TRIM11: variants seen among roughly 807,000 people sequenced by gnomAD.
The protein encoded by TRIM11 is tripartite motif containing 11, also known as E3 ubiquitin-protein ligase TRIM11.
TRIM11 carries 15 observed loss-of-function variants against 33.4 expected under a neutral mutation model. The observed-to-expected ratio is 0.45, with a 90% CI of 0.30 to 0.69. The LOEUF is 0.69. Ranked by LOEUF, TRIM11 falls within the 30% of genes least tolerant of loss-of-function variation. The pLI, the probability that TRIM11 is intolerant of heterozygous loss-of-function variation, is 0.08. For synonymous variants in TRIM11, 281 were observed against 302.6 expected (o/e 0.93, Z 0.74); for missense variants, 499 against 667.6 (o/e 0.75, Z 2.78).
Position 228,406,374 on chromosome 1 carries a change from C to G in TRIM11, c.188G>C (p.Arg63Thr). The change falls in exon 1 of 6, where the codon AGG becomes ACG. Residue 63 changes from arginine to threonine, a missense_variant. By Grantham distance (71) the Arg-to-Thr change is moderately conservative. Coordinates refer to ENST00000284551, the MANE Select transcript of TRIM11 (RefSeq NM_145214.3). The surrounding 1 kb of genome is among the most constrained non-coding windows in gnomAD (Gnocchi z 8.2). The stretch of plus-strand genomic sequence containing the variant: ...AAGCGGGCGGTTGGGCCGCAGGTTC[C>G]TCTGCGGGGACAGCTCGCGGCACTC... ...CPECRELSPQ[R>T]NLRPNRPLAK... 1 of 1,523,518 alleles carries G rather than the reference C, an allele frequency of 6.6e-7. No individual in the cohort carries two copies. The highest frequency in any genetic ancestry group is 8.8e-7 in the Non-Finnish European group (1 of 1,138,896). 94.4% of individuals were successfully genotyped at this position (1,523,518 alleles called of 1,614,324 possible).
rs2149093855 is a variant in TRIM11 at position 228,403,030 on chromosome 1, A to C, written c.409-869T>G. On this transcript the variant is annotated intron_variant, in intron 1 of 5. Transcript: ENST00000284551. The surrounding 1 kb of genome is among the most constrained non-coding windows in gnomAD (Gnocchi z 4.8). ...ATCAGCTATCACTGTAATAAGCTCC[A>C]GGATGGGTACACCTCCATTCTGCTT... 1 of 152,352 alleles carries C rather than the reference A, an allele frequency of 6.6e-6. No homozygotes were observed. The highest frequency in any genetic ancestry group is 1.9e-4 in the East Asian group (1 of 5,184). 9.4% of individuals were successfully genotyped at this position (152,352 alleles called of 1,614,324 possible). A position where few individuals can be genotyped will look rare whatever the true frequency, so the allele number is the denominator to read the frequency against.
In TRIM11 at chr1:228,401,382, C is replaced by T. The variant is rs1574086334; in HGVS notation, c.505-188G>A. Reference sequence around the variant, plus strand: ...ACCCACCACCTGGTGCTGGCCAGACCCCAAACCCACCTGTGGCACCTCCCA... The same window carrying T: ...ACCCACCACCTGGTGCTGGCCAGACTCCAAACCCACCTGTGGCACCTCCCA... On this transcript the variant is annotated intron_variant, in intron 2 of 5. Coordinates refer to ENST00000284551, the MANE Select transcript of TRIM11 (RefSeq NM_145214.3). This position sits in a 1 kb window ranked among gnomAD's most constrained non-coding sequence, Gnocchi z 6.1. Among the ~76,000 whole-genome samples, 1 of 152,184 alleles carries T rather than the reference C, an allele frequency of 6.6e-6. No homozygotes were observed. The highest frequency in any genetic ancestry group is 1.5e-5 in the Non-Finnish European group (1 of 67,980).
At position 228,394,807 on chromosome 1, in the gene TRIM11, C is replaced by T. The variant is rs377288870; in HGVS notation, c.1305G>A (p.Ser435=). Residue 435 remains serine (S), a synonymous_variant, in exon 6 of 6, where the codon TCG becomes TCA. Transcript: ENST00000284551. The surrounding 1 kb of genome is among the most constrained non-coding windows in gnomAD (Gnocchi z 6.2). ...GTGAGAAGAGGGGCCGCAGCGTCCC[C>T]GAGAAGGGGATCTCGGGAAAGATGA... The part of the protein sequence containing the change: ...LLFIFPEIPF[S]GTLRPLFSPL... The T allele has an allele frequency of 2.5e-5, 41 of 1,613,920 alleles. No individual in the cohort carries two copies. The highest frequency in any genetic ancestry group is 1.9e-4 in the African/African-American group (14 of 74,882).
In TRIM11 at chr1:228,395,039, AC is replaced by A; in HGVS notation, c.1072del (p.Val358CysfsTer6). ...CTTCCTGTTCACGTTCTCCCTGCAC[AC>A]CCCCAGGGCCCAGCTGGTGCGGTCC... is the stretch of plus-strand genomic sequence containing the variant. ...VGDRTSWALG[V>X]CRENVNRKEK... On this transcript the variant is annotated frameshift_variant, in exon 6 of 6. Transcript: ENST00000284551. LOFTEE classifies it low-confidence loss of function (END_TRUNC). The surrounding 1 kb of genome is among the most constrained non-coding windows in gnomAD (Gnocchi z 4.8). 1 of 1,613,296 alleles carries A rather than the reference AC, an allele frequency of 6.2e-7. No individual in the cohort carries two copies. Among genetic ancestry groups the A allele is most frequent in the Non-Finnish European group, 8.5e-7 (1 of 1,179,650 alleles).
chr1:228,402,282 G>C (rs535617794), intron 1 of TRIM11, 121 bp from the exon 2 acceptor site: 7 of 693,318 alleles, frequency 1.0e-5, no homozygotes, highest in Non-Finnish European at 1.7e-5. Flanking sequence ...TCTGCCTGGT[G>C]AATCAGGGAA....
chr1:228,395,107 C>A lies in TRIM11; in HGVS notation c.1005G>T (p.Glu335Asp). 1.9e-6 allele frequency: 3 copies of A among 1,596,392 alleles called. No individual in the cohort carries two copies. The highest frequency in any genetic ancestry group is 2.6e-6 in the Non-Finnish European group (3 of 1,172,316). The change falls in exon 6 of 6, where the codon GAG (glutamate) becomes GAT (aspartate). Residue 335 changes from glutamate to aspartate, a missense_variant. By Grantham distance (45) the Glu-to-Asp change is conservative. Coordinates refer to ENST00000284551, the MANE Select transcript of TRIM11 (RefSeq NM_145214.3). The surrounding 1 kb of genome is among the most constrained non-coding windows in gnomAD (Gnocchi z 4.8). ...AGTAGTGGCGGCCTGAGGTGAAGCG[C>A]TCCTGGCCCAGCACGCAGGGGCCGG... ...FDPGPCVLGQ[E>D]RFTSGRHYWE...
Position 228,406,608 on chromosome 1 carries a change from C to T in TRIM11, c.-47G>A. ...GGCGGTACTGTCCGCGGGGCGGCGGCGGGCGGCCTCGGCAGCTCGCGGGGA... is the reference window on the plus strand; with the variant it reads ...GGCGGTACTGTCCGCGGGGCGGCGGTGGGCGGCCTCGGCAGCTCGCGGGGA... On this transcript the variant is annotated 5_prime_UTR_variant, in exon 1 of 6. Transcript: ENST00000284551. This position sits in a 1 kb window ranked among gnomAD's most constrained non-coding sequence, Gnocchi z 8.2. The T allele has an allele frequency of 7.2e-7, 1 of 1,386,362 alleles. No individual in the cohort carries two copies. The highest frequency in any genetic ancestry group is 9.3e-7 in the Non-Finnish European group (1 of 1,071,188). The allele number at this position is 1,386,362 out of a possible 1,614,324, so 85.9% of individuals were successfully genotyped here. A position where few individuals can be genotyped will look rare whatever the true frequency, so the allele number is the denominator to read the frequency against.
At chr1:228,402,186 A>G (rs765597521) in intron 1 of TRIM11, 25 bp from the exon 2 acceptor site, 2 of 1,580,366 alleles carry the variant, frequency 1.3e-6, no homozygotes, top group Non-Finnish European at 1.7e-6. Flanking sequence ...AGGCAGGACC[A>G]TGAGACATGA....
chr1:228,397,539 C>G, intron 3 of TRIM11: 1 of 237,076 alleles, frequency 4.2e-6, no homozygotes, highest in South Asian at 1.1e-4. Flanking sequence ...AGCATAGGGG[C>G]ACCTCCACCC....
Position 228,394,993 on chromosome 1 carries a change from C to A in TRIM11, c.1119G>T (p.Ala373=), listed in dbSNP as rs111487001. 3.1e-6 allele frequency: 5 copies of A among 1,614,042 alleles called. No individual in the cohort carries two copies. In the African/African-American group the frequency reaches 6.7e-5, roughly 22 times the overall value. The change falls in exon 6 of 6, where the codon GCG becomes GCT. Residue 373 remains alanine (A), a synonymous_variant. Transcript: ENST00000284551. The surrounding 1 kb of genome is among the most constrained non-coding windows in gnomAD (Gnocchi z 6.2). Reference sequence around the variant, plus strand: ...AGACCAGGATCCAGAAGCCGTTGCCCGCGGACAGCTCGCCCTTCTCCTTCC... The same window carrying A: ...AGACCAGGATCCAGAAGCCGTTGCCAGCGGACAGCTCGCCCTTCTCCTTCC... ...VNRKEKGELS[A]GNGFWILVFL...
chr1:228,396,340 G>C (rs1319489965), intron 5 of TRIM11: 1 of 370,656 alleles, frequency 2.7e-6, no homozygotes, highest in African/African-American at 2.0e-5. Context: ...CACCTAAACA[G>C]CTCTTGGGGC....
Position 228,394,498 on chromosome 1 carries a change from A to C in TRIM11, c.*207T>G. 1.7e-6 allele frequency: 1 copy of C among 597,808 alleles called. No homozygotes were observed. Among genetic ancestry groups the C allele is most frequent in the Non-Finnish European group, 2.8e-6 (1 of 358,592 alleles). The allele number at this position is 597,808 out of a possible 1,614,324, so 37.0% of individuals were successfully genotyped here. On this transcript the variant is annotated 3_prime_UTR_variant, in exon 6 of 6. Transcript: ENST00000284551. The surrounding 1 kb of genome is among the most constrained non-coding windows in gnomAD (Gnocchi z 6.2). ...CACCCGGTGGCTGGAGGGGTCTCCC[A>C]GGGAGGACGGAGCCTGCCCCACACT...
Position 228,401,059 on chromosome 1 carries a change from C to G in TRIM11, c.640G>C (p.Gly214Arg), listed in dbSNP as rs202032610. ...CTCTGCTGGCCTAGGTGGGCTGCGC[C>G]CTCCCGCAGCCGGGGCAGCACCTCC... ...ELEVLPRLRE[G>R]AAHLGQQSAH... is the part of the protein sequence containing the mutation. Residue 214 changes from glycine (G) to arginine (R), a missense_variant, in exon 3 of 6, where the codon GGC (glycine) becomes CGC (arginine). Physicochemically the swap from Gly to Arg is moderately radical, Grantham distance 125 (BLOSUM62 -2). Transcript: ENST00000284551. This position sits in a 1 kb window ranked among gnomAD's most constrained non-coding sequence, Gnocchi z 6.1. 111 of 1,612,814 alleles carry G rather than the reference C, an allele frequency of 6.9e-5. No homozygotes were observed. The highest frequency in any genetic ancestry group is 2.7e-4 in the East Asian group (12 of 44,852).
intron 3 of TRIM11, among the ~76,000 whole-genome samples, chr1:228,399,772 G>A (rs1656106162): frequency 6.6e-6 from 1 of 151,746 alleles, no homozygotes; most frequent in Non-Finnish European, 1.5e-5. Context: ...ACGGAGTGGA[G>A]GAGCAGATGC....
rs945665158 is a variant in TRIM11, at chr1:228,395,249, T to A, written c.863A>T (p.Asp288Val). 20 of 1,457,614 alleles carry A rather than the reference T, an allele frequency of 1.4e-5. No homozygotes were observed. Among genetic ancestry groups the A allele is most frequent in the Non-Finnish European group, 1.8e-5 (20 of 1,109,754 alleles). 90.3% of individuals were successfully genotyped at this position (1,457,614 alleles called of 1,614,324 possible). A position where few individuals can be genotyped will look rare whatever the true frequency, so the allele number is the denominator to read the frequency against. ...LVETLRRFRGDVTLDPDTANP... is the reference protein window; with the variant it reads ...LVETLRRFRGVVTLDPDTANP... ...GGCGGTGTCCGGGTCCAAGGTCACG[T>A]CCCCTGCAGAGAGAGGCCCAAGGTC... The change falls in exon 6 of 6, where the codon GAC (aspartate) becomes GTC (valine). Residue 288 changes from aspartate to valine, a missense_variant. By Grantham distance (152) the Asp-to-Val change is radical. Coordinates refer to ENST00000284551, the MANE Select transcript of TRIM11 (RefSeq NM_145214.3). This position sits in a 1 kb window ranked among gnomAD's most constrained non-coding sequence, Gnocchi z 4.8.
Position 228,400,089 on chromosome 1 carries a change from T to C in TRIM11, c.735+875A>G, listed in dbSNP as rs1406433440. Among the ~76,000 whole-genome samples the C allele has an allele frequency of 1.3e-5, 2 of 152,154 alleles. No individual in the cohort carries two copies. Among genetic ancestry groups the C allele is most frequent in the Non-Finnish European group, 2.9e-5 (2 of 68,014 alleles). ...GGGTCTGGCAGCCCTGCCCCACCAG[T>C]GGCTGAATTCACTCACACACGGCCT... On this transcript the variant is annotated intron_variant, in intron 3 of 5. Coordinates refer to ENST00000284551, the MANE Select transcript of TRIM11 (RefSeq NM_145214.3). This position sits in a 1 kb window ranked among gnomAD's most constrained non-coding sequence, Gnocchi z 4.5.
rs769380501 is a variant in TRIM11, at chr1:228,395,105, C to T, written c.1007G>A (p.Arg336His). The change falls in exon 6 of 6, where the codon CGC (arginine) becomes CAC (histidine). Residue 336 changes from arginine to histidine, a missense_variant. By Grantham distance (29) the Arg-to-His change is conservative. Transcript: ENST00000284551. The surrounding 1 kb of genome is among the most constrained non-coding windows in gnomAD (Gnocchi z 4.8). ...DPGPCVLGQE[R>H]FTSGRHYWEV... is the part of the protein sequence containing the mutation. ...CCAGTAGTGGCGGCCTGAGGTGAAG[C>T]GCTCCTGGCCCAGCACGCAGGGGCC... 39 of 1,596,406 alleles carry T rather than the reference C, an allele frequency of 2.4e-5. No individual in the cohort carries two copies. Among genetic ancestry groups the T allele is most frequent in the Non-Finnish European group, 3.2e-5 (38 of 1,172,270 alleles).
At chr1:228,404,352 C>T (rs954545491) in intron 1 of TRIM11, 1 of 152,312 alleles carries the variant, frequency 6.6e-6, no homozygotes, top group Admixed American at 6.5e-5. Context: ...GTCATGACCC[C>T]AGGTCAGGGC....
rs1215438013 is a variant in TRIM11 at position 228,394,840 on chromosome 1, T to A, written c.1272A>T (p.Ser424=). The change falls in exon 6 of 6, where the codon TCA becomes TCT. Residue 424 remains serine (S), a synonymous_variant. Transcript: ENST00000284551. The surrounding 1 kb of genome is among the most constrained non-coding windows in gnomAD (Gnocchi z 6.2). ...HLSFYSATDG[S]LLFIFPEIPF... ...GGATCTCGGGAAAGATGAATAGCAG[T>A]GACCCATCGGTGGCACTGTAGAAAG... 3 of 1,613,838 alleles carry A rather than the reference T, an allele frequency of 1.9e-6. No homozygotes were observed. In the African/African-American group the frequency reaches 4.0e-5, roughly 22 times the overall value.
Sources: gnomAD v4.1 joint callset for allele counts (sites outside exome capture counted in the v4.1 genomes callset) on GRCh38, gnomAD v4.1.1 for gene constraint, Gnocchi (gnomAD v3.1) non-coding constraint, MANE v1.5 for transcripts, NCBI Gene and HGNC (gene_info 2026-07-23, HGNC 2026-07-21) for gene names.